DMTN: variants seen among roughly 807,000 people sequenced by gnomAD.
DMTN encodes the protein dematin.
DMTN carries 27 observed loss-of-function variants against 59.4 expected under a neutral mutation model. The ratio of observed to expected loss-of-function variants is 0.45; its 90% CI spans 0.33 to 0.63. DMTN has a LOEUF of 0.63. Among genes scored for constraint, DMTN ranks in the 20% least tolerant of loss-of-function variants. DMTN has a pLI of 0.02. For missense variants in DMTN, 451 were observed against 528.9 expected (o/e 0.85, Z 1.45); for synonymous variants, 221 against 203.7 (o/e 1.08, Z -0.72).
intron 14 of DMTN, 91 bp from the exon 15 acceptor site, chr8:22,081,022 C>T (rs989263766): frequency 2.0e-6 from 3 of 1,493,954 alleles, no homozygotes; most frequent in African/African-American, 2.8e-5. Context: ...GCATGAACCC[C>T]AGTGGCCTCT....
upstream of DMTN, among the ~76,000 whole-genome samples, chr8:22,054,033 C>T (rs918487301): frequency 6.6e-6 from 1 of 152,074 alleles, no homozygotes; most frequent in African/African-American, 2.4e-5. Context: ...AGGACAGTGA[C>T]GAGGTAGGGT....
At chr8:22,069,233 C>T (rs1355196247) in intron 5 of DMTN, 173 bp downstream of exon 5, 4 of 900,518 alleles carry the variant, frequency 4.4e-6, no homozygotes, top group Non-Finnish European at 6.7e-6. Context: ...CCCAGGACCT[C>T]AACCCTTTCT....
At chr8:22,071,666 G>A (rs548979198) in intron 8 of DMTN, among the ~76,000 whole-genome samples, 41 of 151,732 alleles carry the variant, frequency 2.7e-4, no homozygotes, top group African/African-American at 8.7e-4. Flanking sequence ...TGCAAGCTCC[G>A]CCTCCCGGGC....
chr8:22,050,428 G>T (rs189954391), upstream of DMTN, among the ~76,000 whole-genome samples: 13 of 152,240 alleles, frequency 8.5e-5, no homozygotes, highest in African/African-American at 3.1e-4. Flanking sequence ...CGGCTCTCCG[G>T]CCCACCCCTG....
Position 22,073,824 on chromosome 8 carries a change from C to G in DMTN, c.824C>G (p.Pro275Arg), listed in dbSNP as rs1304235209. The change falls in exon 10 of 16, where the codon CCC (proline) becomes CGC (arginine). Residue 275 changes from proline to arginine, a missense_variant. Physicochemically the swap from Pro to Arg is moderately radical, Grantham distance 103 (BLOSUM62 -2). Transcript: ENST00000358242. ...RKTRSLPDRT[P>R]FHTSLHQGTS... ...ACCCGCTCTCTGCCTGACCGGACAC[C>G]CTTCCATACCTGTGAGTGCTGTGGA... is the stretch of plus-strand genomic sequence containing the variant. 5 of 1,613,902 alleles carry G rather than the reference C, an allele frequency of 3.1e-6. No individual in the cohort carries two copies. The highest frequency in any genetic ancestry group is 4.5e-5 in the East Asian group (2 of 44,876).
chr8:22,066,912 GGCC>G lies in DMTN; in HGVS notation c.18+21_18+23del, dbSNP rs1563441191. Reference sequence around the variant, plus strand: ...GCAGAAGGTGCGCGGCGCCGCCCCGGGCCGGGGCCGCCGAGGGCGGGTGGGGGC... The same window carrying G: ...GCAGAAGGTGCGCGGCGCCGCCCCGGGGGGCCGCCGAGGGCGGGTGGGGGC... On this transcript the variant is annotated intron_variant, in intron 2 of 15. Coordinates refer to ENST00000358242, the MANE Select transcript of DMTN (RefSeq NM_001387751.1). 1 of 1,248,982 alleles carries G rather than the reference GGCC, an allele frequency of 8.0e-7. No individual in the cohort carries two copies. The highest frequency in any genetic ancestry group is 1.0e-6 in the Non-Finnish European group (1 of 996,136). 77.4% of individuals were successfully genotyped at this position (1,248,982 alleles called of 1,614,324 possible).
upstream of DMTN, among the ~76,000 whole-genome samples, chr8:22,052,312 A>T (rs1458440186): frequency 1.3e-5 from 2 of 152,226 alleles, no homozygotes; most frequent in African/African-American, 4.8e-5. Context: ...CCAGCACAGT[A>T]TGTTGCACAG....
intron 1 of DMTN, 90 bp downstream of exon 1, chr8:22,057,226 G>A (rs1378780158): frequency 6.6e-6 from 1 of 152,536 alleles, no homozygotes; most frequent in East Asian, 1.9e-4. Context: ...GTGGCAGCAG[G>A]GTATCTGGGG....
At chr8:22,063,008 C>T (rs1807794291) in intron 1 of DMTN, among the ~76,000 whole-genome samples, 1 of 152,120 alleles carries the variant, frequency 6.6e-6, no homozygotes, top group Non-Finnish European at 1.5e-5. Context: ...CCTTCTTTCT[C>T]CCTTGGCAAT....
chr8:22,064,387 A>T (rs1260692904), intron 1 of DMTN, among the ~76,000 whole-genome samples: 2 of 152,250 alleles, frequency 1.3e-5, no homozygotes, highest in Non-Finnish European at 2.9e-5. Flanking sequence ...AGTACTGAGA[A>T]GGCGAGAGGA....
chr8:22,053,880 T>C (rs1303641943), upstream of DMTN: 4 of 152,288 alleles, frequency 2.6e-5, no homozygotes, highest in Non-Finnish European at 5.9e-5. Context: ...CAGGCACCTG[T>C]TGTTCAGTGT....
At position 22,072,322 on chromosome 8, in the gene DMTN, C is replaced by G; in HGVS notation, c.605-4C>G. On this transcript the variant is annotated splice_region_variant and splice_polypyrimidine_tract_variant and intron_variant, in intron 8 of 15. Coordinates refer to ENST00000358242, the MANE Select transcript of DMTN (RefSeq NM_001387751.1). ...CCCTCCCCACCTTTGCTTGTGTCTC[C>G]TAGAGACAGAATGGAGGAAGCGGAA... 6.3e-7 allele frequency: 1 copy of G among 1,597,130 alleles called. No individual in the cohort carries two copies. The highest frequency in any genetic ancestry group is 8.5e-7 in the Non-Finnish European group (1 of 1,171,482).
At chr8:22,055,656 AC>A, upstream of DMTN, 1 of 139,044 alleles carries the variant, frequency 7.2e-6, no homozygotes, top group Non-Finnish European at 1.5e-5. Context: ...CTTCACAGCC[AC>A]CCCCGCCTGG....
chr8:22,057,296 C>G (rs1803197468), intron 1 of DMTN, among the ~76,000 whole-genome samples, 160 bp downstream of exon 1: 1 of 152,146 alleles, frequency 6.6e-6, no homozygotes, highest in Admixed American at 6.5e-5. Flanking sequence ...ACCAGCTGGG[C>G]CTGATCTAAT....
At position 22,066,851 on chromosome 8, in the gene DMTN, A is replaced by AC; in HGVS notation, c.-22dup. On this transcript the variant is annotated 5_prime_UTR_variant, in exon 2 of 16. Coordinates refer to ENST00000358242, the MANE Select transcript of DMTN (RefSeq NM_001387751.1). ...CCTCGCGCACAGGGCTCTGCGAGTG[A>AC]CCCGGCGGGCGAGCTCCGTGCTGCA... 1.4e-6 allele frequency: 2 copies of AC among 1,412,018 alleles called. No individual in the cohort carries two copies. Among genetic ancestry groups the AC allele is most frequent in the Non-Finnish European group, 1.9e-6 (2 of 1,080,044 alleles). The allele number at this position is 1,412,018 out of a possible 1,614,324, so 87.5% of individuals were successfully genotyped here.
chr8:22,050,780 C>T (rs1801274883), upstream of DMTN, among the ~76,000 whole-genome samples: 2 of 152,138 alleles, frequency 1.3e-5, no homozygotes, highest in Admixed American at 1.3e-4. Context: ...TCCCTGGGTC[C>T]CTGGGTCCCT....
chr8:22,067,302 A>C (rs1811549369), intron 3 of DMTN, 143 bp downstream of exon 3: 1 of 1,137,652 alleles, frequency 8.8e-7, no homozygotes, highest in Non-Finnish European at 1.2e-6. Context: ...CCAGAAACCC[A>C]GAGAAGCTCC....
In DMTN at chr8:22,058,476, C is replaced by T. The variant is rs1803977040; in HGVS notation, c.-172+1340C>T. ...ATGCAGAAAGCAGAAAGCGGGGTCT[C>T]TTCAGAGGGTGGGTGGAGAGGGCAC... On this transcript the variant is annotated intron_variant, in intron 1 of 15. Transcript: ENST00000358242. This position sits in a 1 kb window ranked among gnomAD's most constrained non-coding sequence, Gnocchi z 4.3. 6.6e-6 allele frequency among the ~76,000 whole-genome samples: 1 copy of T among 152,174 alleles called. No homozygotes were observed. Among genetic ancestry groups the T allele is most frequent in the Admixed American group, 6.5e-5 (1 of 15,282 alleles).
chr8:22,081,223 C>T (rs745607363), intron 15 of DMTN, 30 bp downstream of exon 15: 35 of 1,612,368 alleles, frequency 2.2e-5, no homozygotes, highest in African/African-American at 1.1e-4. Context: ...TGGATGGGTG[C>T]GGGGCTGTCC....
Sources: gnomAD v4.1 joint callset for allele counts (sites outside exome capture counted in the v4.1 genomes callset) on GRCh38, gnomAD v4.1.1 for gene constraint, Gnocchi (gnomAD v3.1) non-coding constraint, MANE v1.5 for transcripts, NCBI Gene and HGNC (gene_info 2026-07-23, HGNC 2026-07-21) for gene names.